Variants in CLSTN2 observed in about 807,000 individuals in gnomAD.
The protein encoded by CLSTN2 is calsyntenin-2.
CLSTN2 carries 48 observed loss-of-function variants against 101.2 expected under a neutral mutation model. That is an observed-to-expected ratio of 0.47 (90% CI 0.38 to 0.60). The LOEUF is 0.60. CLSTN2 is among the 20% of genes least tolerant of loss of function. The probability of loss-of-function intolerance (pLI) is 0.00; values close to 1 mark genes in which losing one functional copy is unlikely to be tolerated. For missense variants in CLSTN2, 1,160 were observed against 1,238.2 expected (o/e 0.94, Z 0.95); for synonymous variants, 481 against 463.6 (o/e 1.04, Z -0.48).
At chr3:140,367,533 A>G (rs1050395811) in intron 2 of CLSTN2, among the ~76,000 whole-genome samples, 2 of 136,550 alleles carry the variant, frequency 1.5e-5, no homozygotes, top group African/African-American at 5.4e-5. Flanking sequence ...AAAAAAAAAA[A>G]AGGAAAGAGA....
intron 2 of CLSTN2, among the ~76,000 whole-genome samples, chr3:140,221,902 A>G (rs1262458807): frequency 6.6e-6 from 1 of 152,166 alleles, no homozygotes; most frequent in Non-Finnish European, 1.5e-5. Context: ...TATGGCAAAC[A>G]GTTTGGAGGT....
At chr3:140,138,605 A>C (rs2009650160) in intron 1 of CLSTN2, among the ~76,000 whole-genome samples, 2 of 152,196 alleles carry the variant, frequency 1.3e-5, no homozygotes, top group African/African-American at 4.8e-5. Context: ...ACATGTCAAC[A>C]TCTTATCTTG....
chr3:140,566,197 C>A lies in CLSTN2; in HGVS notation c.2812C>A (p.Gln938Lys), dbSNP rs755478161. 9 of 1,603,422 alleles carry A rather than the reference C, an allele frequency of 5.6e-6. No homozygotes were observed. The highest frequency in any genetic ancestry group is 6.0e-6 in the Non-Finnish European group (7 of 1,174,714). Residue 938 changes from glutamine to lysine, a missense_variant, in exon 17 of 17, where the codon CAG (glutamine) becomes AAG (lysine). Transcript: ENST00000458420. ...EEGMGRGRHG[Q>K]NGARQAQLEW... The stretch of plus-strand genomic sequence containing the variant: ...AGGGATGGGCAGAGGCAGACATGGG[C>A]AGAATGGAGCCAGGCAAGCCCAGCT...
intron 2 of CLSTN2, among the ~76,000 whole-genome samples, chr3:140,291,649 G>A (rs1442434231): frequency 6.6e-6 from 1 of 151,612 alleles, no homozygotes; most frequent in Non-Finnish European, 1.5e-5. Flanking sequence ...CTCCAGACGA[G>A]ATCTCTCATG....
intron 1 of CLSTN2, among the ~76,000 whole-genome samples, chr3:139,942,800 G>A (rs1199666488): frequency 6.6e-6 from 1 of 152,172 alleles, no homozygotes; most frequent in South Asian, 2.1e-4. Context: ...CCAGTGTGGT[G>A]AGCTAGGTGA....
chr3:140,420,306 T>C (rs1336365138), intron 4 of CLSTN2, among the ~76,000 whole-genome samples: 1 of 150,850 alleles, frequency 6.6e-6, no homozygotes, highest in Non-Finnish European at 1.5e-5. Flanking sequence ...AAAAAAAAAG[T>C]AGTAGGAATG....
chr3:140,229,610 A>T (rs552870963), intron 2 of CLSTN2, among the ~76,000 whole-genome samples: 4 of 151,964 alleles, frequency 2.6e-5, no homozygotes, highest in African/African-American at 9.6e-5. Flanking sequence ...GCTAAAACCC[A>T]TTCAGGCAGG....
chr3:140,108,083 C>T (rs1323888355), intron 1 of CLSTN2, among the ~76,000 whole-genome samples: 1 of 152,132 alleles, frequency 6.6e-6, no homozygotes, highest in Non-Finnish European at 1.5e-5. Context: ...ACGTGTTCCT[C>T]TTCAGTGTGT....
chr3:140,120,197 C>G lies in CLSTN2; in HGVS notation c.110-55754C>G, dbSNP rs1015408325. 4.6e-5 allele frequency among the ~76,000 whole-genome samples: 7 copies of G among 152,284 alleles called. No homozygotes were observed. The East Asian group carries it at 1.4e-3, about 29-fold the overall frequency. ...ATACTAGCCTTGGGTCCCTGGGCCT[C>G]TGGAACTTCTGACCCAACCCACTTC... On this transcript the variant is annotated intron_variant, in intron 1 of 16. Coordinates refer to ENST00000458420, the MANE Select transcript of CLSTN2 (RefSeq NM_022131.3).
At chr3:140,082,510 G>A (rs2008614742) in intron 1 of CLSTN2, among the ~76,000 whole-genome samples, 1 of 152,100 alleles carries the variant, frequency 6.6e-6, no homozygotes. Context: ...AATGAATTAA[G>A]TCCACCCTGG....
At chr3:140,351,265 A>G (rs2087602669) in intron 2 of CLSTN2, among the ~76,000 whole-genome samples, 1 of 152,228 alleles carries the variant, frequency 6.6e-6, no homozygotes, top group African/African-American at 2.4e-5. Flanking sequence ...GGATAACAAA[A>G]TCAGTACAAA....
intron 1 of CLSTN2, among the ~76,000 whole-genome samples, chr3:140,104,855 G>T (rs1173531267): frequency 6.6e-6 from 1 of 152,198 alleles, no homozygotes; most frequent in Non-Finnish European, 1.5e-5. Flanking sequence ...ATGCATGACT[G>T]TAGTCCCAGC....
chr3:140,204,634 C>G (rs190496707), intron 2 of CLSTN2, among the ~76,000 whole-genome samples: 3,863 of 146,284 alleles, frequency 0.026, 59 homozygotes, highest in South Asian at 0.047. Flanking sequence ...TGGCGGTAAG[C>G]TCTGGAACTA....
At position 140,562,794 on chromosome 3, in the gene CLSTN2, G is replaced by A. The variant is rs949459329; in HGVS notation, c.2213-17G>A. Reference sequence around the variant, plus strand: ...CCTTTTCTGCCTTCTGATGACAGGTGTGGTCTCTTGGCACAGGTGTGGGCT... The same window carrying A: ...CCTTTTCTGCCTTCTGATGACAGGTATGGTCTCTTGGCACAGGTGTGGGCT... On this transcript the variant is annotated splice_polypyrimidine_tract_variant and intron_variant, in intron 13 of 16. Transcript: ENST00000458420. 44 of 1,612,956 alleles carry A rather than the reference G, an allele frequency of 2.7e-5. No individual in the cohort carries two copies. Among genetic ancestry groups the A allele is most frequent in the Non-Finnish European group, 3.7e-5 (44 of 1,179,718 alleles).
chr3:140,223,401 G>C (rs1559810884), intron 2 of CLSTN2, among the ~76,000 whole-genome samples: 1 of 152,198 alleles, frequency 6.6e-6, no homozygotes, highest in Non-Finnish European at 1.5e-5. Context: ...CCAGCACCTG[G>C]ACCAGCCCCT....
intron 2 of CLSTN2, among the ~76,000 whole-genome samples, chr3:140,367,370 G>T (rs2087802912): frequency 6.6e-6 from 1 of 151,930 alleles, no homozygotes. Flanking sequence ...AAAATTAACT[G>T]GGTGTGGTGG....
chr3:140,438,430 T>TGAAAAAAA (rs1301059937), intron 5 of CLSTN2, among the ~76,000 whole-genome samples: 1 of 5,838 alleles, frequency 1.7e-4, no homozygotes, highest in Admixed American at 3.5e-3. Context: ...GGTCCTTTCA[T>TGAAAAAAA]TAAAAAAAAA....
At chr3:140,028,794 T>C (rs1043017389) in intron 1 of CLSTN2, among the ~76,000 whole-genome samples, 3 of 152,092 alleles carry the variant, frequency 2.0e-5, no homozygotes, top group African/African-American at 7.2e-5. Context: ...TAAGCAAGGA[T>C]TGGTATTCTG....
chr3:140,459,881 C>G (rs1445467990), intron 7 of CLSTN2, 112 bp downstream of exon 7: 40 of 1,225,260 alleles, frequency 3.3e-5, no homozygotes, highest in Non-Finnish European at 4.7e-5. Context: ...AAGCAGGAGC[C>G]TGAGAGGAAC....
Sources: gnomAD v4.1 joint callset for allele counts (sites outside exome capture counted in the v4.1 genomes callset) on GRCh38, gnomAD v4.1.1 for gene constraint, MANE v1.5 for transcripts, NCBI Gene and HGNC (gene_info 2026-07-23, HGNC 2026-07-21) for gene names.